The following MACROD2 variants were observed in gnomAD, a reference collection of about 807,000 sequenced individuals.
MACROD2 encodes ADP-ribose glycohydrolase MACROD2.
In MACROD2, 36 loss-of-function variants were observed where a neutral mutation model predicts 70.4. The observed-to-expected ratio is 0.51, with a 90% CI of 0.39 to 0.68. The LOEUF (loss-of-function observed/expected upper bound fraction) is 0.68. MACROD2 is among the 30% of genes least tolerant of loss of function. MACROD2 has a pLI of 0.00. For missense variants in MACROD2, 496 were observed against 538.4 expected, an observed-to-expected ratio of 0.92 and a Z score of 0.78; for synonymous variants, 172 against 178.8, an observed-to-expected ratio of 0.96 and a Z score of 0.30.
At chr20:14,793,905 TA>T (rs2072480486) in intron 5 of MACROD2, among the ~76,000 whole-genome samples, 1 of 152,020 alleles carries the variant, frequency 6.6e-6, no homozygotes, top group Non-Finnish European at 1.5e-5. Flanking sequence ...TCTCTGACAG[TA>T]ATGATGGGTG....
At chr20:14,936,674 C>T (rs2074343073) in intron 5 of MACROD2, among the ~76,000 whole-genome samples, 2 of 152,004 alleles carry the variant, frequency 1.3e-5, no homozygotes, top group South Asian at 4.2e-4. Flanking sequence ...AATGGCCCCA[C>T]TCATGCATGT....
rs547038598 is a variant in MACROD2 at position 15,944,886 on chromosome 20, C to T, written c.907+7342C>T. On this transcript the variant is annotated intron_variant, in intron 12 of 17. Coordinates refer to ENST00000684519, the MANE Select transcript of MACROD2 (RefSeq NM_001351661.2). The stretch of plus-strand genomic sequence containing the variant: ...TTTCTGAATATATGAACATACACAG[C>T]TTTATGTGAAACGTATGATTGTAAT... 3.3e-5 allele frequency among the ~76,000 whole-genome samples: 5 copies of T among 152,260 alleles called. No homozygotes were observed. The South Asian group carries it at 6.2e-4, about 19-fold the overall frequency.
chr20:15,542,023 A>C (rs2047963765), intron 8 of MACROD2, among the ~76,000 whole-genome samples: 1 of 152,250 alleles, frequency 6.6e-6, no homozygotes, highest in South Asian at 2.1e-4. Context: ...ACAGTTGGAA[A>C]GAAACCCGTG....
chr20:15,398,540 T>G (rs1030598389), intron 6 of MACROD2, among the ~76,000 whole-genome samples: 3 of 152,172 alleles, frequency 2.0e-5, no homozygotes, highest in Non-Finnish European at 4.4e-5. Flanking sequence ...GATAAATGCT[T>G]ACGAGAATAT....
At chr20:15,092,795 T>C (rs1231635597) in intron 5 of MACROD2, among the ~76,000 whole-genome samples, 2 of 152,178 alleles carry the variant, frequency 1.3e-5, no homozygotes, top group Non-Finnish European at 2.9e-5. Context: ...ACAAAATTCA[T>C]AATTTTTGAT....
chr20:14,162,959 T>C (rs899751394), intron 3 of MACROD2, among the ~76,000 whole-genome samples: 5 of 152,178 alleles, frequency 3.3e-5, no homozygotes, highest in Non-Finnish European at 7.4e-5. Flanking sequence ...TCTTTCATTC[T>C]CTCTTATTGT....
Position 14,952,266 on chromosome 20 carries a change from A to G in MACROD2, c.418+267307A>G, listed in dbSNP as rs901848050. ...GTCTCACATAGGCCTGATGCTGTTT[A>G]ATTACATGAGTTGGAGTTCATGGTC... is the stretch of plus-strand genomic sequence containing the variant. On this transcript the variant is annotated intron_variant, in intron 5 of 17. Coordinates refer to ENST00000684519, the MANE Select transcript of MACROD2 (RefSeq NM_001351661.2). Among the ~76,000 whole-genome samples the G allele has an allele frequency of 7.2e-5, 11 of 152,132 alleles. 1 individual carries two copies. The highest frequency in any genetic ancestry group is 5.2e-4 in the Admixed American group (8 of 15,260).
chr20:14,129,264 T>C (rs571386339), intron 3 of MACROD2, among the ~76,000 whole-genome samples: 11 of 152,218 alleles, frequency 7.2e-5, no homozygotes, highest in Non-Finnish European at 1.6e-4. Context: ...CTAACCCTTG[T>C]GGATGACTTC....
rs988944290 is a variant in MACROD2, at chr20:15,456,562, G to A, written c.571+25127G>A. On this transcript the variant is annotated intron_variant, in intron 7 of 17. Transcript: ENST00000684519. Reference sequence around the variant, plus strand: ...CTGGTAAATAAAATTAAGTGCTTCTGGTGTGAACTGAGTCTTCAGGAAAGG... The same window carrying A: ...CTGGTAAATAAAATTAAGTGCTTCTAGTGTGAACTGAGTCTTCAGGAAAGG... Among the ~76,000 whole-genome samples the A allele has an allele frequency of 1.0e-4, 6 of 58,542 alleles. No individual in the cohort carries two copies. The East Asian group carries it at 0.011, about 110-fold the overall frequency. The allele number at this position is 58,542 out of a possible 152,430, so 38.4% of individuals were successfully genotyped here.
intron 12 of MACROD2, among the ~76,000 whole-genome samples, chr20:15,938,856 C>T (rs2065707191): frequency 6.6e-6 from 1 of 152,142 alleles, no homozygotes; most frequent in African/African-American, 2.4e-5. Flanking sequence ...AGTGCTACTC[C>T]AGTGGACACA....
At chr20:14,215,081 T>TATATATATATTCCATC (rs1163404811) in intron 3 of MACROD2, among the ~76,000 whole-genome samples, 2 of 1,566 alleles carry the variant, frequency 1.3e-3, no homozygotes, top group African/African-American at 2.6e-3. Context: ...TATTCCATCA[T>TATATATATATTCCATC]ATATATCTAT....
At chr20:15,372,256 C>T (rs556904173) in intron 6 of MACROD2, among the ~76,000 whole-genome samples, 6 of 152,302 alleles carry the variant, frequency 3.9e-5, no homozygotes, top group Admixed American at 2.0e-4. Flanking sequence ...TTGAGGCTCA[C>T]AGAGTATGCA....
intron 8 of MACROD2, among the ~76,000 whole-genome samples, chr20:15,700,767 T>A (rs1325324920): frequency 6.6e-6 from 1 of 152,186 alleles, no homozygotes; most frequent in East Asian, 1.9e-4. Context: ...TACCATGAAA[T>A]ATTAATACCC....
At chr20:15,399,734 A>G (rs1244421853) in intron 6 of MACROD2, among the ~76,000 whole-genome samples, 3 of 152,238 alleles carry the variant, frequency 2.0e-5, no homozygotes, top group Admixed American at 2.0e-4. Flanking sequence ...ACCATCCCAG[A>G]TTTAGGCCTT....
intron 5 of MACROD2, among the ~76,000 whole-genome samples, chr20:15,128,760 A>C (rs2076084339): frequency 6.6e-6 from 1 of 151,852 alleles, no homozygotes; most frequent in African/African-American, 2.4e-5. Context: ...TATCCCATTC[A>C]CCCACACACT....
intron 5 of MACROD2, among the ~76,000 whole-genome samples, chr20:14,965,003 A>G (rs1600882369): frequency 6.6e-6 from 1 of 152,228 alleles, no homozygotes; most frequent in East Asian, 1.9e-4. Flanking sequence ...AAATAATAGT[A>G]CAGTTGAGAC....
chr20:14,790,443 T>A (rs1315651332), intron 5 of MACROD2, among the ~76,000 whole-genome samples: 1 of 151,754 alleles, frequency 6.6e-6, no homozygotes, highest in Admixed American at 6.6e-5. Context: ...AAAGGGATGA[T>A]AACCAAGCTG....
At chr20:14,901,543 T>A (rs1171019036) in intron 5 of MACROD2, among the ~76,000 whole-genome samples, 1 of 152,206 alleles carries the variant, frequency 6.6e-6, no homozygotes, top group Non-Finnish European at 1.5e-5. Context: ...TATGGTCTAC[T>A]ATTTGTAATT....
intron 5 of MACROD2, among the ~76,000 whole-genome samples, chr20:15,050,533 CTTTTTTTTTTTTTT>C (rs386393390): frequency 5.1e-5 from 4 of 77,874 alleles, no homozygotes; most frequent in African/African-American, 2.5e-4. Context: ...CTATTTAGGT[CTTTTTTTTTTTTTT>C]TTTTTTTTTT....
Sources: gnomAD v4.1 joint callset for allele counts (sites outside exome capture counted in the v4.1 genomes callset) on GRCh38, gnomAD v4.1.1 for gene constraint, MANE v1.5 for transcripts, NCBI Gene and HGNC (gene_info 2026-07-23, HGNC 2026-07-21) for gene names.